Variants in CCDC170 observed in about 807,000 individuals in gnomAD.
The protein encoded by CCDC170 is coiled-coil domain-containing protein 170.
Under a neutral mutation model 72.6 loss-of-function variants are expected in CCDC170, and 69 were observed. The ratio of observed to expected loss-of-function variants is 0.95; its 90% confidence interval spans 0.78 to 1.16. CCDC170 has a LOEUF of 1.16. CCDC170 is among the 50% of genes most tolerant of loss of function. CCDC170 has a pLI of 0.00. For synonymous variants in CCDC170, 300 were observed against 303.9 expected, an observed-to-expected ratio of 0.99 and a Z score of 0.13; for missense variants, 852 against 832.5, an observed-to-expected ratio of 1.02 and a Z score of -0.29.
intron 6 of CCDC170, among the ~76,000 whole-genome samples, chr6:151,582,304 C>T (rs1776389450): frequency 1.3e-5 from 2 of 152,180 alleles, no homozygotes; most frequent in Admixed American, 6.5e-5. Context: ...ACTGCTTTAT[C>T]TTGTACTTTT....
At chr6:151,559,813 T>A (rs1783046554) in intron 5 of CCDC170, among the ~76,000 whole-genome samples, 1 of 152,228 alleles carries the variant, frequency 6.6e-6, no homozygotes, top group Non-Finnish European at 1.5e-5. Context: ...TTGTCATTTC[T>A]GATTGTGCTT....
At chr6:151,509,095 C>T (rs1029503063) in intron 1 of CCDC170, among the ~76,000 whole-genome samples, 1 of 151,716 alleles carries the variant, frequency 6.6e-6, no homozygotes, top group Admixed American at 6.6e-5. Context: ...TATCAAGTGT[C>T]TAATAATAAG....
At chr6:151,564,138 C>T (rs1251278011) in intron 5 of CCDC170, among the ~76,000 whole-genome samples, 1 of 152,084 alleles carries the variant, frequency 6.6e-6, no homozygotes, top group African/African-American at 2.4e-5. Context: ...GTCACTTCTT[C>T]CAATATTTTG....
At chr6:151,505,769 C>T (rs950411514) in intron 1 of CCDC170, among the ~76,000 whole-genome samples, 1 of 152,090 alleles carries the variant, frequency 6.6e-6, no homozygotes. Context: ...AATTGTAATT[C>T]TACTTCTGTT....
intron 6 of CCDC170, among the ~76,000 whole-genome samples, chr6:151,583,606 A>G (rs1776409610): frequency 6.6e-6 from 1 of 151,794 alleles, no homozygotes; most frequent in Non-Finnish European, 1.5e-5. Context: ...TACAGGCATG[A>G]GCCATCACGT....
intron 1 of CCDC170, among the ~76,000 whole-genome samples, chr6:151,516,806 A>T (rs1019364904): frequency 6.6e-6 from 1 of 152,174 alleles, no homozygotes; most frequent in Non-Finnish European, 1.5e-5. Context: ...GTGCGTGGGG[A>T]AGGCTGGTGG....
chr6:151,519,412 G>C (rs113833314), intron 1 of CCDC170, among the ~76,000 whole-genome samples: 1 of 152,042 alleles, frequency 6.6e-6, no homozygotes, highest in Admixed American at 6.5e-5. Flanking sequence ...CCTGAAAATC[G>C]CTGTTATTCC....
rs754067062 is a variant in CCDC170, at chr6:151,573,427, C to T, written c.1028C>T (p.Ser343Phe). 4.3e-6 allele frequency: 7 copies of T among 1,614,090 alleles called. No homozygotes were observed. The highest frequency in any genetic ancestry group is 5.9e-6 in the Non-Finnish European group (7 of 1,180,020). ...AGGGGCAGATTGAGCATGACTGGGT[C>T]CACTGAGGACACCATTTTGGAGAAG... ...LLRGRLSMTG[S>F]TEDTILEKIR... The change falls in exon 6 of 11, where the codon TCC becomes TTC. Residue 343 changes from serine (S) to phenylalanine (F), a missense_variant. Transcript: ENST00000239374.
At chr6:151,532,438 C>T (rs904778548) in intron 1 of CCDC170, among the ~76,000 whole-genome samples, 6 of 151,936 alleles carry the variant, frequency 3.9e-5, no homozygotes, top group African/African-American at 1.5e-4. Context: ...GAAACCCTGT[C>T]TCTACTAAAA....
chr6:151,606,082 A>G (rs528892655), intron 9 of CCDC170, among the ~76,000 whole-genome samples: 1 of 152,036 alleles, frequency 6.6e-6, no homozygotes, highest in South Asian at 2.1e-4. Context: ...TTGTATTTTT[A>G]GTAGAGACGG....
intron 1 of CCDC170, among the ~76,000 whole-genome samples, chr6:151,507,682 G>T (rs1782084646): frequency 6.6e-6 from 1 of 152,052 alleles, no homozygotes; most frequent in African/African-American, 2.4e-5. Flanking sequence ...CAGCACTTTG[G>T]GAGGCCGAGG....
At chr6:151,499,183 CTATTT>C (rs1781953674) in intron 1 of CCDC170, among the ~76,000 whole-genome samples, 1 of 140,340 alleles carries the variant, frequency 7.1e-6, no homozygotes, top group Non-Finnish European at 1.5e-5. Context: ...CTGTATTTGA[CTATTT>C]TAGGCACGCT....
chr6:151,544,143 G>C (rs1013387798), intron 3 of CCDC170, among the ~76,000 whole-genome samples: 1 of 152,148 alleles, frequency 6.6e-6, no homozygotes, highest in Non-Finnish European at 1.5e-5. Flanking sequence ...GTATTGTAAA[G>C]TTTGAAAATA....
chr6:151,556,421 C>A (rs1782976110), intron 5 of CCDC170, among the ~76,000 whole-genome samples: 1 of 152,214 alleles, frequency 6.6e-6, no homozygotes, highest in South Asian at 2.1e-4. Context: ...AGCCACTGCA[C>A]TCTAGCCTGG....
chr6:151,608,936 T>A (rs1418243015), intron 9 of CCDC170, among the ~76,000 whole-genome samples: 1 of 152,196 alleles, frequency 6.6e-6, no homozygotes, highest in Non-Finnish European at 1.5e-5. Flanking sequence ...GCTAACTTTA[T>A]AGGTGTCCAT....
intron 1 of CCDC170, among the ~76,000 whole-genome samples, chr6:151,529,641 GCTAGGCTCTGT>G (rs1782465513): frequency 6.6e-6 from 1 of 152,108 alleles, no homozygotes; most frequent in Admixed American, 6.5e-5. Context: ...TGCTGACAGA[GCTAGGCTCTGT>G]CTCAAAAACA....
At chr6:151,607,213 T>C (rs1238654601) in intron 9 of CCDC170, among the ~76,000 whole-genome samples, 1 of 151,872 alleles carries the variant, frequency 6.6e-6, no homozygotes, top group Non-Finnish European at 1.5e-5. Context: ...TCTACGGGGG[T>C]TGACCTTGGA....
rs764922923 is a variant in CCDC170, at chr6:151,544,676, A to G, written c.548A>G (p.Glu183Gly). ...CTGCGTGACTGCTTGGATCCAGATGAGAGGAATGACAAGGCATCAGATGAA... is the reference window on the plus strand; with the variant it reads ...CTGCGTGACTGCTTGGATCCAGATGGGAGGAATGACAAGGCATCAGATGAA... ...TQLRDCLDPD[E>G]RNDKASDEDL... Residue 183 changes from glutamate (E) to glycine (G), a missense_variant, in exon 4 of 11, where the codon GAG becomes GGG. By Grantham distance (98) the Glu-to-Gly change is moderately conservative. Coordinates refer to ENST00000239374, the MANE Select transcript of CCDC170 (RefSeq NM_025059.4). 1.2e-6 allele frequency: 2 copies of G among 1,613,158 alleles called. No individual in the cohort carries two copies. The highest frequency in any genetic ancestry group is 1.7e-6 in the Non-Finnish European group (2 of 1,179,228).
At chr6:151,526,879 A>G (rs1270304770) in intron 1 of CCDC170, among the ~76,000 whole-genome samples, 2 of 151,712 alleles carry the variant, frequency 1.3e-5, no homozygotes, top group Non-Finnish European at 2.9e-5. Context: ...TTCAACAAGG[A>G]TGTTGAATTA....
Sources: allele counts gnomAD v4.1 joint callset (sites outside exome capture counted in the v4.1 genomes callset), GRCh38; gene constraint gnomAD v4.1.1; transcripts MANE v1.5; gene names NCBI Gene and HGNC (gene_info 2026-07-23, HGNC 2026-07-21).